MYL4: variants seen among roughly 807,000 people sequenced by gnomAD.
MYL4 encodes the protein myosin light chain 4.
A neutral mutation model predicts 21.6 loss-of-function variants in MYL4; 16 were observed. The ratio of observed to expected loss-of-function variants is 0.74; its 90% CI spans 0.50 to 1.12. The LOEUF is 1.12. MYL4 is among the 50% of genes most tolerant of loss of function. The pLI, the probability that MYL4 is intolerant of heterozygous loss-of-function variation, is 0.00. For synonymous variants in MYL4, 82 were observed against 95.7 expected (o/e 0.86, Z 0.83); for missense variants, 249 against 252.9 (o/e 0.98, Z 0.11).
chr17:47,219,477 G>A (rs1029330300), intron 2 of MYL4, among the ~76,000 whole-genome samples: 4 of 152,150 alleles, frequency 2.6e-5, no homozygotes, highest in Non-Finnish European at 2.9e-5. Context: ...CGGGATGTGT[G>A]GGTGGGAGGG....
intron 1 of MYL4, among the ~76,000 whole-genome samples, chr17:47,211,255 G>A (rs930740777): frequency 6.6e-6 from 1 of 152,044 alleles, no homozygotes; most frequent in Admixed American, 6.6e-5. Context: ...TTTACTCCAA[G>A]ACAGAAGAGA....
chr17:47,195,391 A>G, the MYL4 span, among the ~76,000 whole-genome samples: 2 of 152,124 alleles, frequency 1.3e-5, no homozygotes, highest in Non-Finnish European at 1.5e-5. Context: ...CACCATGCCC[A>G]GCTAATTTTG....
upstream of MYL4, among the ~76,000 whole-genome samples, chr17:47,207,872 C>T (rs141815364): frequency 5.3e-5 from 8 of 152,262 alleles, no homozygotes; most frequent in Non-Finnish European, 1.2e-4. Flanking sequence ...CACCCTTACC[C>T]CCTAGGTCCC....
In MYL4 at chr17:47,209,414, CA is replaced by C. The variant is rs773876585; in HGVS notation, c.-7del. On this transcript the variant is annotated 5_prime_UTR_variant, in exon 1 of 7. Coordinates refer to ENST00000393450, the MANE Select transcript of MYL4 (RefSeq NM_002476.2). ...ATCACTCCTCTGCCAAAGATCCCAA[CA>C]AGACAACATGGCTCCCAAGAAGCCT... 1 of 1,614,226 alleles carries C rather than the reference CA, an allele frequency of 6.2e-7. No individual in the cohort carries two copies. The highest frequency in any genetic ancestry group is 1.1e-5 in the South Asian group (1 of 91,080).
At chr17:47,190,439 G>A in the MYL4 span, among the ~76,000 whole-genome samples, 1 of 152,220 alleles carries the variant, frequency 6.6e-6, no homozygotes, top group South Asian at 2.1e-4. Context: ...TTCAGCAGAT[G>A]AGGAAACAGT....
At chr17:47,217,997 C>T (rs973423786) in intron 2 of MYL4, among the ~76,000 whole-genome samples, 19 of 147,916 alleles carry the variant, frequency 1.3e-4, no homozygotes, top group African/African-American at 4.3e-4. Context: ...GCCGAAATCG[C>T]GACATTGCAC....
upstream of MYL4, chr17:47,200,322 T>A (rs530112728): frequency 1.3e-5 from 2 of 152,260 alleles, no homozygotes; most frequent in South Asian, 4.1e-4. Context: ...TTTTGCTTAC[T>A]GAGAGATACC....
At chr17:47,198,077 A>G (rs1386546129), upstream of MYL4, among the ~76,000 whole-genome samples, 1 of 152,202 alleles carries the variant, frequency 6.6e-6, no homozygotes, top group African/African-American at 2.4e-5. Flanking sequence ...CTAACAGCTG[A>G]GGATTATGTG....
downstream of MYL4, among the ~76,000 whole-genome samples, chr17:47,225,832 C>T (rs961742210): frequency 4.7e-5 from 7 of 149,448 alleles, no homozygotes; most frequent in African/African-American, 1.2e-4. Flanking sequence ...ACTGGGGCCT[C>T]GTCAGGTTTT....
At chr17:47,223,306 T>G in intron 6 of MYL4, 1 of 487,734 alleles carries the variant, frequency 2.1e-6, no homozygotes, top group Non-Finnish European at 3.6e-6. Context: ...GGCAATGCCC[T>G]TCCCTCAGGC....
At chr17:47,211,568 G>A (rs185403621) in intron 1 of MYL4, among the ~76,000 whole-genome samples, 1 of 152,290 alleles carries the variant, frequency 6.6e-6, no homozygotes, top group Non-Finnish European at 1.5e-5. Flanking sequence ...TCCTCAGAGA[G>A]TGAATGCAGA....
At chr17:47,208,664 A>G (rs1189194108), upstream of MYL4, among the ~76,000 whole-genome samples, 3 of 151,870 alleles carry the variant, frequency 2.0e-5, no homozygotes, top group Admixed American at 1.3e-4. Context: ...TCGACTTTCT[A>G]CCACATCTCT....
At chr17:47,219,802 C>T in intron 2 of MYL4, 102 bp from the exon 3 acceptor site, 1 of 1,413,888 alleles carries the variant, frequency 7.1e-7, no homozygotes. Context: ...GATATTTTAA[C>T]AACCACACTC....
At chr17:47,196,803 C>T (rs1037413578), upstream of MYL4, among the ~76,000 whole-genome samples, 7 of 152,120 alleles carry the variant, frequency 4.6e-5, no homozygotes, top group African/African-American at 1.7e-4. Context: ...GCATTGAAGG[C>T]AGGGACCTTG....
upstream of MYL4, among the ~76,000 whole-genome samples, chr17:47,205,993 C>T (rs2064727070): frequency 6.6e-6 from 1 of 152,150 alleles, no homozygotes; most frequent in Admixed American, 6.5e-5. Flanking sequence ...CTTCAACCTG[C>T]TTGGCAAAGG....
chr17:47,206,810 C>T (rs1785095278), upstream of MYL4, among the ~76,000 whole-genome samples: 1 of 152,182 alleles, frequency 6.6e-6, no homozygotes, highest in African/African-American at 2.4e-5. Flanking sequence ...CTGGGTCTCC[C>T]AGCTTCTATC....
At chr17:47,222,496 T>TA in intron 5 of MYL4, 39 bp downstream of exon 5, 1 of 1,605,798 alleles carries the variant, frequency 6.2e-7, no homozygotes. Flanking sequence ...CAGCCAGGGA[T>TA]GGTAGGATGG....
In MYL4 at chr17:47,223,022, A is replaced by G; in HGVS notation, c.574A>G (p.Lys192Glu). ...TTTCACTTTTTTCCTAGCCTTTGTC[A>G]AGCACATCATGTCAGGGTGAAGCAG... ...NGCINYEAFVKHIMSG is the reference protein window; with the variant it reads ...NGCINYEAFVEHIMSG The change falls in exon 6 of 7, where the codon AAG (lysine) becomes GAG (glutamate). Residue 192 changes from lysine to glutamate, a missense_variant. Transcript: ENST00000393450. The G allele has an allele frequency of 6.2e-7, 1 of 1,614,164 alleles. No homozygotes were observed. The highest frequency in any genetic ancestry group is 8.5e-7 in the Non-Finnish European group (1 of 1,180,006).
At chr17:47,204,579 A>G (rs2064720428), upstream of MYL4, among the ~76,000 whole-genome samples, 1 of 152,188 alleles carries the variant, frequency 6.6e-6, no homozygotes, top group African/African-American at 2.4e-5. Context: ...GAAGAAGTTA[A>G]AAAGTAGCCA....
Sources: gnomAD v4.1 joint callset for allele counts (sites outside exome capture counted in the v4.1 genomes callset) on GRCh38, gnomAD v4.1.1 for gene constraint, MANE v1.5 for transcripts, NCBI Gene and HGNC (gene_info 2026-07-23, HGNC 2026-07-21) for gene names.